The following DPYD variants were observed in gnomAD, a reference collection of about 807,000 sequenced individuals.
DPYD encodes dihydropyrimidine dehydrogenase.
Under a neutral mutation model 116.2 loss-of-function variants are expected in DPYD, and 109 were observed. The ratio of observed to expected loss-of-function variants is 0.94; its 90% CI spans 0.80 to 1.10. The LOEUF (loss-of-function observed/expected upper bound fraction) is 1.10. DPYD is among the 50% of genes least tolerant of loss of function. DPYD has a pLI of 0.00. For synonymous variants in DPYD, 440 were observed against 432.0 expected (o/e 1.02, Z -0.23); for missense variants, 1,302 against 1,254.5 (o/e 1.04, Z -0.57).
At chr1:97,332,314 A>G (rs138674843) in intron 16 of DPYD, among the ~76,000 whole-genome samples, 1 of 152,370 alleles carries the variant, frequency 6.6e-6, no homozygotes, top group East Asian at 1.9e-4. Context: ...GAGCTAAATA[A>G]AAATGTACAT....
rs989714141 is a variant in DPYD at position 97,750,374 on chromosome 1, C to A, written c.234-9895G>T. Among the ~76,000 whole-genome samples the A allele has an allele frequency of 3.3e-5, 5 of 151,704 alleles. No homozygotes were observed. In the South Asian group the frequency reaches 1.0e-3, roughly 32 times the overall value. ...TGTTCCTATACAATTCCTAGATGTACGGAATATGTTTGTTATGAAAAAAAC... is the reference window on the plus strand; with the variant it reads ...TGTTCCTATACAATTCCTAGATGTAAGGAATATGTTTGTTATGAAAAAAAC... On this transcript the variant is annotated intron_variant, in intron 3 of 22. Coordinates refer to ENST00000370192, the MANE Select transcript of DPYD (RefSeq NM_000110.4).
At chr1:97,601,486 A>G (rs1471677769) in intron 8 of DPYD, among the ~76,000 whole-genome samples, 1 of 152,010 alleles carries the variant, frequency 6.6e-6, no homozygotes, top group African/African-American at 2.4e-5. Flanking sequence ...ATATGTTTAT[A>G]TATGTATTAG....
At chr1:97,241,526 C>G (rs1316787580) in intron 18 of DPYD, among the ~76,000 whole-genome samples, 3 of 151,908 alleles carry the variant, frequency 2.0e-5, no homozygotes, top group African/African-American at 7.3e-5. Context: ...ATGAAAGTTC[C>G]CATTTTCAGT....
intron 19 of DPYD, among the ~76,000 whole-genome samples, chr1:97,206,644 A>ATATGTATGTGTG (rs1477222538): frequency 3.1e-5 from 1 of 31,766 alleles, no homozygotes; most frequent in African/African-American, 3.4e-4. Flanking sequence ...GATTTTATAT[A>ATATGTATGTGTG]TATATATATA....
chr1:97,147,684 G>C (rs118079213), intron 20 of DPYD, among the ~76,000 whole-genome samples: 2 of 152,104 alleles, frequency 1.3e-5, no homozygotes, highest in African/African-American at 2.4e-5. Flanking sequence ...CCAACTGTAA[G>C]ACTTACACAT....
At chr1:97,665,801 T>C (rs1156584376) in intron 8 of DPYD, among the ~76,000 whole-genome samples, 3 of 152,190 alleles carry the variant, frequency 2.0e-5, no homozygotes, top group Non-Finnish European at 4.4e-5. Context: ...CATAAAAAGT[T>C]AAGGACATCT....
chr1:97,191,238 A>T (rs1658339442), intron 20 of DPYD, among the ~76,000 whole-genome samples: 2 of 152,070 alleles, frequency 1.3e-5, no homozygotes, highest in South Asian at 2.1e-4. Context: ...AAAAAAAAGA[A>T]CGATTAGGAA....
At chr1:97,875,405 G>A (rs1349339533) in intron 2 of DPYD, among the ~76,000 whole-genome samples, 1 of 151,946 alleles carries the variant, frequency 6.6e-6, no homozygotes, top group East Asian at 1.9e-4. Context: ...AAACTATGGA[G>A]TGAATGTAGC....
chr1:97,727,418 C>A (rs1255126837), intron 4 of DPYD, among the ~76,000 whole-genome samples: 1 of 151,708 alleles, frequency 6.6e-6, no homozygotes, highest in African/African-American at 2.4e-5. Flanking sequence ...TTCTGACTGG[C>A]AAGCTGAGGG....
intron 8 of DPYD, among the ~76,000 whole-genome samples, chr1:97,598,313 G>A (rs950323762): frequency 2.6e-5 from 4 of 152,058 alleles, no homozygotes; most frequent in Non-Finnish European, 4.4e-5. Flanking sequence ...TAATAAATAA[G>A]GTATGTGTCT....
intron 3 of DPYD, among the ~76,000 whole-genome samples, chr1:97,790,074 G>A (rs1667236243): frequency 6.6e-6 from 1 of 152,124 alleles, no homozygotes; most frequent in African/African-American, 2.4e-5. Context: ...CTAATGAGGA[G>A]CCACATTAAC....
At chr1:97,632,176 C>G (rs1176529911) in intron 8 of DPYD, among the ~76,000 whole-genome samples, 4 of 152,110 alleles carry the variant, frequency 2.6e-5, no homozygotes, top group African/African-American at 9.7e-5. Context: ...AGCCCGTCAT[C>G]TGGGCTTAGG....
chr1:97,352,416 C>G (rs1005820260), intron 16 of DPYD, among the ~76,000 whole-genome samples: 7 of 152,166 alleles, frequency 4.6e-5, no homozygotes, highest in Non-Finnish European at 1.0e-4. Context: ...CTTAGTGGAA[C>G]TATCTTTTCA....
intron 14 of DPYD, among the ~76,000 whole-genome samples, chr1:97,419,549 A>G (rs574240405): frequency 6.6e-6 from 1 of 152,286 alleles, no homozygotes; most frequent in African/African-American, 2.4e-5. Flanking sequence ...GTTAATTGAA[A>G]CAGTTTAGAA....
chr1:97,323,731 CAT>C (rs561979819), intron 16 of DPYD, among the ~76,000 whole-genome samples: 4 of 145,744 alleles, frequency 2.7e-5, no homozygotes, highest in African/African-American at 7.6e-5. Flanking sequence ...CATATATATA[CAT>C]ATATATATAA....
intron 18 of DPYD, among the ~76,000 whole-genome samples, chr1:97,282,366 T>C (rs892663168): frequency 4.1e-5 from 3 of 73,424 alleles, no homozygotes; most frequent in Admixed American, 3.7e-4. Context: ...TATTTTTCCA[T>C]TTATTTTATC....
chr1:97,404,297 T>C (rs12047625), intron 14 of DPYD, among the ~76,000 whole-genome samples: 29,105 of 152,040 alleles, frequency 0.19, 2,940 homozygotes, highest in South Asian at 0.36. Context: ...TGTCAAATTA[T>C]ATCCAGTTGA....
At chr1:97,336,904 A>G (rs1669315253) in intron 16 of DPYD, among the ~76,000 whole-genome samples, 1 of 152,162 alleles carries the variant, frequency 6.6e-6, no homozygotes, top group South Asian at 2.1e-4. Flanking sequence ...GAAAAATACA[A>G]TGTTAAAGAG....
intron 16 of DPYD, among the ~76,000 whole-genome samples, chr1:97,340,968 A>G (rs1669559734): frequency 6.6e-6 from 1 of 152,174 alleles, no homozygotes; most frequent in African/African-American, 2.4e-5. Flanking sequence ...GAATTTAATA[A>G]ATCTAAATCT....
Sources: gnomAD v4.1 joint callset for allele counts (sites outside exome capture counted in the v4.1 genomes callset) on GRCh38, gnomAD v4.1.1 for gene constraint, MANE v1.5 for transcripts, NCBI Gene and HGNC (gene_info 2026-07-23, HGNC 2026-07-21) for gene names.